CYC1: variants seen among roughly 807,000 people sequenced by gnomAD.
CYC1 encodes cytochrome c1.
A neutral mutation model predicts 33.8 loss-of-function variants in CYC1; 10 were observed. The observed-to-expected ratio is 0.30, with a 90% confidence interval of 0.18 to 0.50. The LOEUF is 0.50. CYC1 is among the 20% of genes least tolerant of loss of function. The pLI is 0.98. For synonymous variants in CYC1, 224 were observed against 181.9 expected, an observed-to-expected ratio of 1.23 and a Z score of -1.86; for missense variants, 459 against 437.6, an observed-to-expected ratio of 1.05 and a Z score of -0.44.
Position 144,097,356 on chromosome 8 carries a change from G to A in CYC1, c.*20G>A. 1.2e-6 allele frequency: 2 copies of A among 1,605,964 alleles called. No individual in the cohort carries two copies. Among genetic ancestry groups the A allele is most frequent in the Non-Finnish European group, 1.7e-6 (2 of 1,173,754 alleles). Reference sequence around the variant, plus strand: ...AAGTGACCCTGTCCAGTGTCTGCTTGCCATCCTGCCAGAACAGGCCCTCAA... The same window carrying A: ...AAGTGACCCTGTCCAGTGTCTGCTTACCATCCTGCCAGAACAGGCCCTCAA... On this transcript the variant is annotated 3_prime_UTR_variant, in exon 7 of 7. Coordinates refer to ENST00000318911, the MANE Select transcript of CYC1 (RefSeq NM_001916.5).
At chr8:144,095,493 C>T (rs1836131151) in intron 1 of CYC1, 2 of 429,980 alleles carry the variant, frequency 4.7e-6, no homozygotes, top group African/African-American at 2.1e-5. Context: ...CCGAATGGCG[C>T]GCCCAGGACG....
chr8:144,095,297 T>G, intron 1 of CYC1, 69 bp downstream of exon 1: 1 of 1,166,760 alleles, frequency 8.6e-7, no homozygotes, highest in Non-Finnish European at 1.1e-6. Flanking sequence ...GCGGGGAGGC[T>G]GCGGGCGCGG....
chr8:144,096,062 G>T (rs1420353780), intron 2 of CYC1, 33 bp downstream of exon 2: 1 of 1,600,934 alleles, frequency 6.2e-7, no homozygotes. Context: ...GGCAGCGGGA[G>T]GTTCTGGGTG....
In CYC1 at chr8:144,097,448, A is replaced by AG; in HGVS notation, c.*117dup. 1.3e-6 allele frequency: 1 copy of AG among 796,962 alleles called. No individual in the cohort carries two copies. The highest frequency in any genetic ancestry group is 1.6e-5 in the South Asian group (1 of 61,018). 49.4% of individuals were successfully genotyped at this position (796,962 alleles called of 1,614,324 possible). On this transcript the variant is annotated 3_prime_UTR_variant, in exon 7 of 7. Coordinates refer to ENST00000318911, the MANE Select transcript of CYC1 (RefSeq NM_001916.5). The stretch of plus-strand genomic sequence containing the variant: ...CTCTCTTCATCTGGAAGAAGAGGCA[A>AG]GGGGGCAGGAGACCAGGCTCTAGCT...
chr8:144,095,825 T>G lies in CYC1; in HGVS notation c.130-8T>G. ...TGTCCTGGCAGGCGCTGAGCGGAGA[T>G]CTTGCAGGCAGTGGCCTTGTCGTCG... On this transcript the variant is annotated splice_region_variant and splice_polypyrimidine_tract_variant and intron_variant, in intron 1 of 6. Coordinates refer to ENST00000318911, the MANE Select transcript of CYC1 (RefSeq NM_001916.5). 6.2e-7 allele frequency: 1 copy of G among 1,603,786 alleles called. No individual in the cohort carries two copies. The highest frequency in any genetic ancestry group is 8.5e-7 in the Non-Finnish European group (1 of 1,178,938).
In CYC1 at chr8:144,095,847, G is replaced by A. The variant is rs1836138120; in HGVS notation, c.144G>A (p.Ser48=). 2 of 1,607,396 alleles carry A rather than the reference G, an allele frequency of 1.2e-6. No individual in the cohort carries two copies. Among genetic ancestry groups the A allele is most frequent in the African/African-American group, 1.3e-5 (1 of 74,832 alleles). The change falls in exon 2 of 7, where the codon TCG becomes TCA. Residue 48 remains serine, a synonymous_variant. Transcript: ENST00000318911. ...PLRTPQAVAL[S]SKSGLSRGRK... is the part of the protein sequence containing the mutation. ...AGATCTTGCAGGCAGTGGCCTTGTC[G>A]TCGAAGTCTGGCCTTTCCCGAGGCC...
At position 144,095,891 on chromosome 8, in the gene CYC1, C is replaced by G. The variant is rs1313906703; in HGVS notation, c.188C>G (p.Ala63Gly). ...LSRGRKVMLS[A>G]LGMLAAGGAG... ...CGAGGCCGGAAAGTGATGCTGTCAGCGCTGGGCATGCTGGCGGCAGGGGGT... is the reference window on the plus strand; with the variant it reads ...CGAGGCCGGAAAGTGATGCTGTCAGGGCTGGGCATGCTGGCGGCAGGGGGT... Residue 63 changes from alanine (A) to glycine (G), a missense_variant, in exon 2 of 7, where the codon GCG (alanine) becomes GGG (glycine). Transcript: ENST00000318911. 6.2e-7 allele frequency: 1 copy of G among 1,609,170 alleles called. No homozygotes were observed. The highest frequency in any genetic ancestry group is 1.3e-5 in the African/African-American group (1 of 74,862).
Position 144,097,274 on chromosome 8 carries a change from A to G in CYC1, c.916A>G (p.Ile306Val). ...MALLVPLVYTIKRHKWSVLKS... is the reference protein window; with the variant it reads ...MALLVPLVYTVKRHKWSVLKS... ...TCTGCTGGTGCCCCTGGTCTACACC[A>G]TAAAGCGGCACAAGTGGTCAGTCCT... Residue 306 changes from isoleucine (I) to valine (V), a missense_variant, in exon 7 of 7, where the codon ATA becomes GTA. Coordinates refer to ENST00000318911, the MANE Select transcript of CYC1 (RefSeq NM_001916.5). 2 of 1,614,166 alleles carry G rather than the reference A, an allele frequency of 1.2e-6. No homozygotes were observed. The highest frequency in any genetic ancestry group is 1.6e-4 in the Middle Eastern group (1 of 6,062).
chr8:144,095,425 G>C (rs1046308082), intron 1 of CYC1, 197 bp downstream of exon 1: 5 of 452,046 alleles, frequency 1.1e-5, no homozygotes, highest in Non-Finnish European at 1.1e-5. Flanking sequence ...CAGAGAGCCC[G>C]TCCCCAGCGT....
chr8:144,097,450 G>A lies in CYC1; in HGVS notation c.*114G>A. 1 of 798,512 alleles carries A rather than the reference G, an allele frequency of 1.3e-6. No individual in the cohort carries two copies. The allele number at this position is 798,512 out of a possible 1,614,324, so 49.5% of individuals were successfully genotyped here. A position where few individuals can be genotyped will look rare whatever the true frequency, so the allele number is the denominator to read the frequency against. On this transcript the variant is annotated 3_prime_UTR_variant, in exon 7 of 7. Transcript: ENST00000318911. ...CTCTTCATCTGGAAGAAGAGGCAAG[G>A]GGGCAGGAGACCAGGCTCTAGCTCT...
In CYC1 at chr8:144,097,407, C is replaced by G. The variant is rs1291352094; in HGVS notation, c.*71C>G. The G allele has an allele frequency of 2.3e-6, 3 of 1,305,632 alleles. No individual in the cohort carries two copies. The highest frequency in any genetic ancestry group is 3.3e-6 in the Non-Finnish European group (3 of 914,450). The allele number at this position is 1,305,632 out of a possible 1,614,324, so 80.9% of individuals were successfully genotyped here. ...GCCCAAGAGCCATCCCAGGCCTGTT[C>G]AGGCCTCAGCTAAGCCTCTCTTCAT... On this transcript the variant is annotated 3_prime_UTR_variant, in exon 7 of 7. Coordinates refer to ENST00000318911, the MANE Select transcript of CYC1 (RefSeq NM_001916.5).
intron 5 of CYC1, 100 bp from the exon 6 acceptor site, chr8:144,096,934 G>A (rs939620404): frequency 4.4e-5 from 54 of 1,220,780 alleles, no homozygotes; most frequent in African/African-American, 3.0e-5. Context: ...CTGCCCCTTT[G>A]ATGCCTTGGG....
At position 144,096,490 on chromosome 8, in the gene CYC1, G is replaced by A. The variant is rs771009276; in HGVS notation, c.607G>A (p.Ala203Thr). 5.6e-6 allele frequency: 9 copies of A among 1,614,034 alleles called. No individual in the cohort carries two copies. In the Admixed American group the frequency reaches 1.3e-4, roughly 24 times the overall value. Reference sequence around the variant, plus strand: ...CCCTGACCTCAGCTACATCGTGCGAGCTAGGTACACGGGCTGCCCATGGGG... The same window carrying A: ...CCCTGACCTCAGCTACATCGTGCGAACTAGGTACACGGGCTGCCCATGGGG... ...LPPDLSYIVR[A>T]RHGGEDYVFS... is the part of the protein sequence containing the mutation. The change falls in exon 4 of 7, where the codon GCT becomes ACT. Residue 203 changes from alanine (A) to threonine (T), a missense_variant. By Grantham distance (58) the Ala-to-Thr change is moderately conservative. Coordinates refer to ENST00000318911, the MANE Select transcript of CYC1 (RefSeq NM_001916.5).
At chr8:144,095,668 C>A in intron 1 of CYC1, 165 bp from the exon 2 acceptor site, 1 of 712,028 alleles carries the variant, frequency 1.4e-6, no homozygotes, top group Non-Finnish European at 2.3e-6. Context: ...GAATCACGGT[C>A]TAGGGGTCAG....
At position 144,097,280 on chromosome 8, in the gene CYC1, C is replaced by T. The variant is rs755860942; in HGVS notation, c.922C>T (p.Arg308Trp). Residue 308 changes from arginine (R) to tryptophan (W), a missense_variant, in exon 7 of 7, where the codon CGG (arginine) becomes TGG (tryptophan). Coordinates refer to ENST00000318911, the MANE Select transcript of CYC1 (RefSeq NM_001916.5). ...LLVPLVYTIK[R>W]HKWSVLKSRK... ...GGTGCCCCTGGTCTACACCATAAAG[C>T]GGCACAAGTGGTCAGTCCTGAAGAG... is the stretch of plus-strand genomic sequence containing the variant. 2.6e-5 allele frequency: 42 copies of T among 1,613,988 alleles called. No individual in the cohort carries two copies. The highest frequency in any genetic ancestry group is 3.3e-5 in the South Asian group (3 of 91,090).
intron 6 of CYC1, 26 bp downstream of exon 6, chr8:144,097,160 G>A (rs755658614): frequency 2.5e-6 from 4 of 1,611,112 alleles, no homozygotes; most frequent in South Asian, 2.2e-5. Context: ...GGCCATGGTG[G>A]GTATCAGAGA....
Position 144,096,760 on chromosome 8 carries a change from TCTGGCAGTGGGC to T in CYC1, c.772+17_772+28del. 2.0e-6 allele frequency: 2 copies of T among 986,148 alleles called. No homozygotes were observed. Among genetic ancestry groups the T allele is most frequent in the Non-Finnish European group, 2.9e-6 (2 of 692,304 alleles). 61.1% of individuals were successfully genotyped at this position (986,148 alleles called of 1,614,324 possible). On this transcript the variant is annotated intron_variant, in intron 5 of 6. Coordinates refer to ENST00000318911, the MANE Select transcript of CYC1 (RefSeq NM_001916.5). ...TTTGACGATGGTAAGAGGCCTCCAG[TCTGGCAGTGGGC>T]ATGTGGAATACTTCTCCACTACCCC...
Position 144,096,478 on chromosome 8 carries a change from T to A in CYC1, c.595T>A (p.Tyr199Asn). Residue 199 changes from tyrosine (Y) to asparagine (N), a missense_variant, in exon 4 of 7, where the codon TAC becomes AAC. By Grantham distance (143) the Tyr-to-Asn change is moderately radical. Coordinates refer to ENST00000318911, the MANE Select transcript of CYC1 (RefSeq NM_001916.5). ...NNGALPPDLS[Y>N]IVRARHGGED... ...CGGAGCATTGCCCCCTGACCTCAGC[T>A]ACATCGTGCGAGCTAGGTACACGGG... The A allele has an allele frequency of 6.2e-7, 1 of 1,614,010 alleles. No individual in the cohort carries two copies. Among genetic ancestry groups the A allele is most frequent in the South Asian group, 1.1e-5 (1 of 91,076 alleles).
Position 144,097,338 on chromosome 8 carries a change from C to G in CYC1, c.*2C>G, listed in dbSNP as rs761678657. 12 of 1,613,086 alleles carry G rather than the reference C, an allele frequency of 7.4e-6. No homozygotes were observed. Among genetic ancestry groups the G allele is most frequent in the Non-Finnish European group, 1.0e-5 (12 of 1,179,456 alleles). On this transcript the variant is annotated 3_prime_UTR_variant, in exon 7 of 7. Transcript: ENST00000318911. ...CTGGCATATCGGCCGCCCAAGTGACCCTGTCCAGTGTCTGCTTGCCATCCT... is the reference window on the plus strand; with the variant it reads ...CTGGCATATCGGCCGCCCAAGTGACGCTGTCCAGTGTCTGCTTGCCATCCT...
Sources: allele counts gnomAD v4.1 joint callset, GRCh38; gene constraint gnomAD v4.1.1; transcripts MANE v1.5; gene names NCBI Gene and HGNC (gene_info 2026-07-23, HGNC 2026-07-21).